Variants in TRIO observed in about 807,000 individuals in gnomAD.
TRIO encodes trio Rho guanine nucleotide exchange factor.
In TRIO, 58 loss-of-function variants were observed where a neutral mutation model predicts 351.9. The observed-to-expected ratio is 0.16, with a 90% CI of 0.13 to 0.21. The LOEUF is 0.21. TRIO is among the 10% of genes least tolerant of loss of function. The pLI is 1.00. For missense variants in TRIO, 3,201 were observed against 4,027.8 expected (o/e 0.79, Z 5.56); for synonymous variants, 1,758 against 1,595.7 (o/e 1.10, Z -2.42).
rs1382545136 is a variant in TRIO at position 14,406,199 on chromosome 5, T to C, written c.4859+209T>C. On this transcript the variant is annotated intron_variant, in intron 32 of 56. Coordinates refer to ENST00000344204, the MANE Select transcript of TRIO (RefSeq NM_007118.4). The stretch of plus-strand genomic sequence containing the variant: ...TTGGCTTAGAGTAAACGAAGGGCTG[T>C]GTGCAAACCTCTCATTGTTTTGCCT... 4.1e-6 allele frequency: 3 copies of C among 730,048 alleles called. No homozygotes were observed. In the African/African-American group the frequency reaches 5.3e-5, roughly 13 times the overall value. 45.2% of individuals were successfully genotyped at this position (730,048 alleles called of 1,614,324 possible).
intron 9 of TRIO, among the ~76,000 whole-genome samples, chr5:14,329,857 C>T (rs39857): frequency 0.87 from 132,437 of 152,232 alleles, 58,061 homozygotes; most frequent in African/African-American, 0.95. Flanking sequence ...TATACCAAAA[C>T]CTATGGGTGC....
chr5:14,411,546 C>T (rs982298855), intron 33 of TRIO, among the ~76,000 whole-genome samples: 1 of 152,156 alleles, frequency 6.6e-6, no homozygotes, highest in African/African-American at 2.4e-5. Flanking sequence ...GAACCCCCTT[C>T]CCAAGCTTAT....
At chr5:14,310,884 C>T (rs1425661632) in intron 8 of TRIO, among the ~76,000 whole-genome samples, 1 of 152,158 alleles carries the variant, frequency 6.6e-6, no homozygotes, top group Non-Finnish European at 1.5e-5. Context: ...CAGGGTTTTG[C>T]CATGTTGGCC....
chr5:14,302,289 TAAG>T (rs1737969996), intron 7 of TRIO, among the ~76,000 whole-genome samples: 1 of 152,254 alleles, frequency 6.6e-6, no homozygotes, highest in South Asian at 2.1e-4. Flanking sequence ...GTTTTGATCT[TAAG>T]AATACGTTGC....
chr5:14,425,775 A>G (rs1229078529), intron 34 of TRIO, among the ~76,000 whole-genome samples: 2 of 152,190 alleles, frequency 1.3e-5, no homozygotes, highest in Non-Finnish European at 2.9e-5. Flanking sequence ...TCCTTCCGCC[A>G]TGTGAGGGCA....
At chr5:14,481,374 G>T in intron 44 of TRIO, 90 bp downstream of exon 44, 1 of 1,559,930 alleles carries the variant, frequency 6.4e-7, no homozygotes, top group South Asian at 1.2e-5. Flanking sequence ...CTGGCCCTGG[G>T]AGGGGGTCAA....
intron 1 of TRIO, among the ~76,000 whole-genome samples, chr5:14,223,355 T>C (rs1792771154): frequency 6.6e-6 from 1 of 152,182 alleles, no homozygotes; most frequent in African/African-American, 2.4e-5. Flanking sequence ...ACCCTGCAGT[T>C]CAGTTCAGAT....
chr5:14,305,437 C>T (rs927890807), intron 8 of TRIO, among the ~76,000 whole-genome samples: 1 of 152,182 alleles, frequency 6.6e-6, no homozygotes, highest in Non-Finnish European at 1.5e-5. Flanking sequence ...AATTCTGTGT[C>T]CTTACTTTTC....
chr5:14,268,100 G>C (rs745349477), intron 1 of TRIO, among the ~76,000 whole-genome samples: 3 of 152,112 alleles, frequency 2.0e-5, no homozygotes, highest in Non-Finnish European at 4.4e-5. Context: ...CTTAATTTGG[G>C]GGGAAACTGA....
chr5:14,486,879 G>A (rs1364052881), intron 47 of TRIO, among the ~76,000 whole-genome samples: 3 of 152,072 alleles, frequency 2.0e-5, no homozygotes, highest in Admixed American at 6.5e-5. Flanking sequence ...TCTGCTTGTC[G>A]TATTTTTCAA....
At position 14,277,276 on chromosome 5, in the gene TRIO, G is replaced by GTT. The variant is rs1314707978; in HGVS notation, c.233-3046_233-3045insTT. ...AGAAATAAGATTGGTTATAGGAGAG[G>GTT]ATGCAGGTTTATGTGAACTGAAAGT... On this transcript the variant is annotated intron_variant, in intron 2 of 56. Transcript: ENST00000344204. Among the ~76,000 whole-genome samples, 791 of 152,286 alleles carry GTT rather than the reference G, an allele frequency of 5.2e-3. 6 individuals carry two copies. Among genetic ancestry groups the GTT allele is most frequent in the African/African-American group, 0.017 (708 of 41,558 alleles).
At chr5:14,338,154 C>T (rs1414298926) in intron 11 of TRIO, among the ~76,000 whole-genome samples, 3 of 152,332 alleles carry the variant, frequency 2.0e-5, no homozygotes, top group African/African-American at 2.4e-5. Context: ...TGCCCTCCAG[C>T]CTCTGCTAGC....
intron 8 of TRIO, among the ~76,000 whole-genome samples, chr5:14,308,383 TCCATCCATTCAGTCAC>T (rs1169581908): frequency 2.6e-5 from 3 of 114,996 alleles, no homozygotes; most frequent in African/African-American, 4.0e-5. Context: ...TGTCCATCCA[TCCATCCATTCAGTCAC>T]CCATCCATCC....
chr5:14,230,050 G>A lies in TRIO; in HGVS notation c.158-40775G>A, dbSNP rs1793306092. On this transcript the variant is annotated intron_variant, in intron 1 of 56. Transcript: ENST00000344204. Reference sequence around the variant, plus strand: ...TCCAGAAGTTGTAACGTTTGCCAGCGCTTGCACGTAGAATCCCCCTGCACG... The same window carrying A: ...TCCAGAAGTTGTAACGTTTGCCAGCACTTGCACGTAGAATCCCCCTGCACG... 3.9e-5 allele frequency among the ~76,000 whole-genome samples: 6 copies of A among 152,286 alleles called. No individual in the cohort carries two copies. In the South Asian group the frequency reaches 1.0e-3, roughly 26 times the overall value.
chr5:14,488,723 G>A, intron 48 of TRIO: 1 of 576,918 alleles, frequency 1.7e-6, no homozygotes, highest in Non-Finnish European at 3.1e-6. Flanking sequence ...CATCTGCTGG[G>A]GAAGACCATT....
intron 34 of TRIO, among the ~76,000 whole-genome samples, chr5:14,423,630 G>C (rs1421686673): frequency 6.6e-6 from 1 of 152,134 alleles, no homozygotes; most frequent in Non-Finnish European, 1.5e-5. Flanking sequence ...CAGTGTGATC[G>C]GAAGGAAAAG....
intron 1 of TRIO, among the ~76,000 whole-genome samples, chr5:14,225,813 C>T (rs1698185670): frequency 9.4e-6 from 1 of 106,472 alleles, no homozygotes; most frequent in African/African-American, 3.4e-5. Flanking sequence ...CACCTCCAAG[C>T]CCAAAAGGAT....
At chr5:14,374,191 G>A in intron 18 of TRIO, 38 bp from the exon 19 acceptor site, 2 of 1,558,174 alleles carry the variant, frequency 1.3e-6, no homozygotes, top group Non-Finnish European at 8.8e-7. Flanking sequence ...GTTTGTAGAA[G>A]TCAAATTAGC....
chr5:14,376,366 C>T (rs1236810782), intron 19 of TRIO, among the ~76,000 whole-genome samples: 1 of 152,182 alleles, frequency 6.6e-6, no homozygotes, highest in African/African-American at 2.4e-5. Flanking sequence ...TGTACAAATA[C>T]ATATGTTAGC....
Sources: gnomAD v4.1 joint callset for allele counts (sites outside exome capture counted in the v4.1 genomes callset) on GRCh38, gnomAD v4.1.1 for gene constraint, MANE v1.5 for transcripts, NCBI Gene and HGNC (gene_info 2026-07-23, HGNC 2026-07-21) for gene names.